The following GNA12 variants were observed in gnomAD, a reference collection of about 807,000 sequenced individuals.
The protein encoded by GNA12 is G protein subunit alpha 12.
Under a neutral mutation model 26.0 loss-of-function variants are expected in GNA12, and 9 were observed. That is an observed-to-expected ratio of 0.35 (90% CI 0.21 to 0.60). GNA12 has a LOEUF of 0.60. Ranked by LOEUF, GNA12 falls within the 20% of genes least tolerant of loss-of-function variation. The pLI, the probability that GNA12 is intolerant of heterozygous loss-of-function variation, is 0.78. For missense variants in GNA12, 405 were observed against 525.8 expected (o/e 0.77, Z 2.25); for synonymous variants, 264 against 219.6 (o/e 1.20, Z -1.79).
chr7:2,758,182 A>C (rs571375780), intron 2 of GNA12, among the ~76,000 whole-genome samples: 1 of 152,138 alleles, frequency 6.6e-6, no homozygotes, highest in Non-Finnish European at 1.5e-5. Flanking sequence ...CATCTCCCCA[A>C]CTATCGATGC....
intron 2 of GNA12, among the ~76,000 whole-genome samples, chr7:2,783,304 C>T (rs971635495): frequency 6.6e-6 from 1 of 152,192 alleles, no homozygotes; most frequent in African/African-American, 2.4e-5. Context: ...GGATCCATCG[C>T]ACAGGGGTTG....
At position 2,729,887 on chromosome 7, in the gene GNA12, G is replaced by A. The variant is rs1278854509; in HGVS notation, c.*1294C>T. The A allele has an allele frequency of 6.6e-6, 1 of 152,422 alleles. No individual in the cohort carries two copies. The highest frequency in any genetic ancestry group is 1.5e-5 in the Non-Finnish European group (1 of 68,084). 9.4% of individuals were successfully genotyped at this position (152,422 alleles called of 1,614,324 possible). On this transcript the variant is annotated 3_prime_UTR_variant, in exon 4 of 4. Transcript: ENST00000275364. ...CCACCTGGCAGGTAGCTGGACAAGTGAGCTGGGCCCAGGACTGGCCAGCTC... is the reference window on the plus strand; with the variant it reads ...CCACCTGGCAGGTAGCTGGACAAGTAAGCTGGGCCCAGGACTGGCCAGCTC...
At chr7:2,828,776 C>G (rs1414545664) in intron 1 of GNA12, among the ~76,000 whole-genome samples, 9 of 152,214 alleles carry the variant, frequency 5.9e-5, no homozygotes, top group Non-Finnish European at 1.3e-4. Flanking sequence ...GCCTGCTTGG[C>G]CAGGCACGGT....
chr7:2,745,378 G>C (rs1053443495), intron 2 of GNA12, among the ~76,000 whole-genome samples: 5 of 152,204 alleles, frequency 3.3e-5, no homozygotes, highest in Non-Finnish European at 7.3e-5. Flanking sequence ...CATTCTTAAA[G>C]AAAATAATTT....
intron 2 of GNA12, among the ~76,000 whole-genome samples, chr7:2,757,089 AAGG>A (rs1386370136): frequency 6.6e-6 from 1 of 150,484 alleles, no homozygotes; most frequent in Non-Finnish European, 1.5e-5. Context: ...CGGGGGAAAA[AAGG>A]AGGTGACCTT....
intron 2 of GNA12, among the ~76,000 whole-genome samples, chr7:2,791,273 C>T (rs1231343179): frequency 2.6e-5 from 4 of 152,212 alleles, no homozygotes; most frequent in Non-Finnish European, 4.4e-5. Context: ...TTCCTTTTAA[C>T]TGAGCCACAG....
At chr7:2,732,143 G>A (rs1280708936) in intron 3 of GNA12, among the ~76,000 whole-genome samples, 1 of 152,180 alleles carries the variant, frequency 6.6e-6, no homozygotes, top group African/African-American at 2.4e-5. Flanking sequence ...TTTAGGTTTT[G>A]AATGTGATGT....
At chr7:2,788,492 T>G (rs1230057600) in intron 2 of GNA12, among the ~76,000 whole-genome samples, 4 of 152,190 alleles carry the variant, frequency 2.6e-5, no homozygotes, top group Admixed American at 6.5e-5. Context: ...ACACAACTTA[T>G]ATTCACAACT....
At chr7:2,788,295 G>A (rs1230768729) in intron 2 of GNA12, among the ~76,000 whole-genome samples, 3 of 152,160 alleles carry the variant, frequency 2.0e-5, no homozygotes, top group Non-Finnish European at 4.4e-5. Context: ...GTGAGTCCAC[G>A]CCGCACAGCC....
chr7:2,795,290 T>C (rs1792630717), intron 1 of GNA12, 147 bp from the exon 2 acceptor site: 5 of 658,950 alleles, frequency 7.6e-6, no homozygotes, highest in South Asian at 7.4e-5. Context: ...CTTGGTTTGT[T>C]TGTTGTGATG....
intron 2 of GNA12, 66 bp from the exon 3 acceptor site, chr7:2,733,567 G>C (rs1790009001): frequency 7.9e-7 from 1 of 1,262,128 alleles, no homozygotes; most frequent in African/African-American, 1.5e-5. Flanking sequence ...GCAAATACAA[G>C]AACTGAACAG....
chr7:2,750,658 G>A (rs1157174470), intron 2 of GNA12, among the ~76,000 whole-genome samples: 1 of 152,166 alleles, frequency 6.6e-6, no homozygotes, highest in Non-Finnish European at 1.5e-5. Context: ...GGTTGACTGC[G>A]GGTAACTGAA....
In GNA12 at chr7:2,843,918, C is replaced by T. The variant is rs776555586; in HGVS notation, c.244G>A (p.Gly82Ser). ...AGCGCCTTCTGGTCGAACTCGCGGC[C>T]GTGGATGATGCGCATCTGCTTGAGG... ...TFLKQMRIIH[G>S]REFDQKALLE... The change falls in exon 1 of 4, where the codon GGC (glycine) becomes AGC (serine). Residue 82 changes from glycine to serine, a missense_variant. Transcript: ENST00000275364. The T allele has an allele frequency of 1.3e-6, 2 of 1,588,228 alleles. No homozygotes were observed. The highest frequency in any genetic ancestry group is 1.7e-6 in the Non-Finnish European group (2 of 1,169,194).
intron 2 of GNA12, among the ~76,000 whole-genome samples, chr7:2,751,116 G>A (rs185505372): frequency 1.6e-4 from 24 of 152,210 alleles, no homozygotes; most frequent in East Asian, 9.6e-4. Context: ...GGCCGGGCCC[G>A]GGGGCACACA....
intron 1 of GNA12, among the ~76,000 whole-genome samples, chr7:2,827,990 C>G (rs1793523885): frequency 6.6e-6 from 1 of 152,062 alleles, no homozygotes; most frequent in African/African-American, 2.4e-5. Context: ...CTAATTTGCT[C>G]CAGATAACAG....
At chr7:2,839,474 C>T (rs893886970) in intron 1 of GNA12, among the ~76,000 whole-genome samples, 1 of 152,150 alleles carries the variant, frequency 6.6e-6, no homozygotes, top group Non-Finnish European at 1.5e-5. Context: ...ACCTATGCCT[C>T]CTAGGTTCAA....
intron 2 of GNA12, among the ~76,000 whole-genome samples, chr7:2,741,800 G>A (rs891929443): frequency 6.6e-6 from 1 of 151,034 alleles, no homozygotes; most frequent in African/African-American, 2.4e-5. Context: ...TACAACCACG[G>A]CAACTTCAGG....
chr7:2,835,774 G>A, intron 1 of GNA12: 1 of 740,252 alleles, frequency 1.4e-6, no homozygotes, highest in Non-Finnish European at 2.5e-6. Flanking sequence ...AAACGTAGAA[G>A]ATGCTCGTGA....
intron 1 of GNA12, chr7:2,815,070 C>A: frequency 1.4e-6 from 2 of 1,412,854 alleles, no homozygotes; most frequent in Non-Finnish European, 1.9e-6. Flanking sequence ...GTGGCAGGCT[C>A]CGAGGACACA....
Sources: allele counts gnomAD v4.1 joint callset (sites outside exome capture counted in the v4.1 genomes callset), GRCh38; gene constraint gnomAD v4.1.1; transcripts MANE v1.5; gene names NCBI Gene and HGNC (gene_info 2026-07-23, HGNC 2026-07-21).